Variants in KRT15 observed in about 807,000 individuals in gnomAD.
KRT15 encodes the protein keratin, type I cytoskeletal 15.
KRT15 carries 45 observed loss-of-function variants against 46.6 expected under a neutral mutation model. That is an observed-to-expected ratio of 0.97 (90% CI 0.76 to 1.24). The LOEUF is 1.24. Among genes scored for constraint, KRT15 ranks in the 50% most tolerant of loss-of-function variants. The probability of loss-of-function intolerance (pLI) is 0.00; values close to 1 mark genes in which losing one functional copy is unlikely to be tolerated. For synonymous variants in KRT15, 221 were observed against 233.8 expected, an observed-to-expected ratio of 0.95 and a Z score of 0.50; for missense variants, 592 against 588.9, an observed-to-expected ratio of 1.01 and a Z score of -0.05.
Position 41,517,151 on chromosome 17 carries a change from G to A in KRT15, c.513C>T (p.Thr171=). 2 of 1,614,128 alleles carry A rather than the reference G, an allele frequency of 1.2e-6. No individual in the cohort carries two copies. The highest frequency in any genetic ancestry group is 2.2e-5 in the South Asian group (2 of 91,074). Residue 171 remains threonine (T), a synonymous_variant, in exon 2 of 8, where the codon ACC becomes ACT. Transcript: ENST00000254043. ...CCAGGATGACCCGGGAGTTGTCGAT[G>A]GTGGTGGCCATGATCTGCAGGAGAC... ...EELRDKIMAT[T]IDNSRVILEI... is the part of the protein sequence containing the mutation.
At position 41,516,187 on chromosome 17, in the gene KRT15, G is replaced by A. The variant is rs754413573; in HGVS notation, c.817C>T (p.Arg273Cys). 28 of 1,614,026 alleles carry A rather than the reference G, an allele frequency of 1.7e-5. No homozygotes were observed. The highest frequency in any genetic ancestry group is 5.0e-5 in the Admixed American group (3 of 59,994). Residue 273 changes from arginine (R) to cysteine (C), a missense_variant, in exon 4 of 8, where the codon CGT becomes TGT. Arg to Cys is a radical substitution (Grantham distance 180). Coordinates refer to ENST00000254043, the MANE Select transcript of KRT15 (RefSeq NM_002275.4). ...TGCTCCCTCATCTCTGCCAGCACAC[G>A]GGTCAGGTCCACACCCGGTGCTGCG... ...MDAAPGVDLT[R>C]VLAEMREQYE...
intron 6 of KRT15, 189 bp from the exon 7 acceptor site, chr17:41,514,863 G>A (rs1027679814): frequency 9.5e-6 from 5 of 525,176 alleles, no homozygotes; most frequent in African/African-American, 7.8e-5. Context: ...GACAGATTTT[G>A]TTTTGTTTTG....
At chr17:41,517,224 T>C in intron 1 of KRT15, 59 bp from the exon 2 acceptor site, 1 of 1,443,522 alleles carries the variant, frequency 6.9e-7, no homozygotes, top group Non-Finnish European at 9.7e-7. Context: ...TGCTCTCTGC[T>C]CTGCACCCAA....
At position 41,516,908 on chromosome 17, in the gene KRT15, C is replaced by G. The variant is rs373548890; in HGVS notation, c.638G>C (p.Arg213Pro). Residue 213 changes from arginine to proline, a missense_variant, in exon 3 of 8, where the codon CGC becomes CCC. Coordinates refer to ENST00000254043, the MANE Select transcript of KRT15 (RefSeq NM_002275.4). Reference protein sequence around the residue: ...QGVEADINGLRRVLDELTLAR... With the variant: ...QGVEADINGLPRVLDELTLAR... ...CAGGGTCAGCTCATCCAGGACTCGG[C>G]GCAAGCCGTTGATGTCAGCCTCAAC... is the stretch of plus-strand genomic sequence containing the variant. 1 of 1,614,206 alleles carries G rather than the reference C, an allele frequency of 6.2e-7. No individual in the cohort carries two copies. Among genetic ancestry groups the G allele is most frequent in the Admixed American group, 1.7e-5 (1 of 60,022 alleles).
Position 41,516,166 on chromosome 17 carries a change from C to G in KRT15, c.838G>C (p.Glu280Gln), listed in dbSNP as rs946342723. The stretch of plus-strand genomic sequence containing the variant: ...TTCTCCGCCATGGCCTCGTACTGCT[C>G]CCTCATCTCTGCCAGCACACGGGTC... ...DLTRVLAEMREQYEAMAEKNR... is the reference protein window; with the variant it reads ...DLTRVLAEMRQQYEAMAEKNR... Residue 280 changes from glutamate to glutamine, a missense_variant, in exon 4 of 8, where the codon GAG (glutamate) becomes CAG (glutamine). Physicochemically the swap from Glu to Gln is conservative, Grantham distance 29. Transcript: ENST00000254043. The G allele has an allele frequency of 2.5e-6, 4 of 1,614,050 alleles. No individual in the cohort carries two copies. In the African/African-American group the frequency reaches 4.0e-5, roughly 16 times the overall value.
chr17:41,516,484 T>C (rs1300140061), intron 3 of KRT15, among the ~76,000 whole-genome samples: 2 of 152,104 alleles, frequency 1.3e-5, no homozygotes, highest in South Asian at 2.1e-4. Flanking sequence ...AGGGCCCTGA[T>C]GTGAGCTCAC....
At position 41,515,609 on chromosome 17, in the gene KRT15, G is replaced by A. The variant is rs911578002; in HGVS notation, c.1110C>T (p.Gly370=). The A allele has an allele frequency of 5.0e-6, 8 of 1,614,188 alleles. No homozygotes were observed. Among genetic ancestry groups the A allele is most frequent in the Non-Finnish European group, 4.2e-6 (5 of 1,180,034 alleles). ...GGAGCTCACTCAGCTGGGCCTCCAGGCCACCAATGAGCCCCTGGATCTGCT... is the reference window on the plus strand; with the variant it reads ...GGAGCTCACTCAGCTGGGCCTCCAGACCACCAATGAGCCCCTGGATCTGCT... ...QLQQIQGLIG[G]LEAQLSELRC... Residue 370 remains glycine, a synonymous_variant, in exon 6 of 8, where the codon GGC becomes GGT. Coordinates refer to ENST00000254043, the MANE Select transcript of KRT15 (RefSeq NM_002275.4).
intron 7 of KRT15, 62 bp from the exon 8 acceptor site, chr17:41,514,182 G>A: frequency 7.7e-7 from 1 of 1,296,338 alleles, no homozygotes. Flanking sequence ...ACGGTGGCCA[G>A]GACCTTGGCG....
chr17:41,517,436 A>G, intron 1 of KRT15: 2 of 473,280 alleles, frequency 4.2e-6, no homozygotes, highest in Non-Finnish European at 7.8e-6. Context: ...AGGAGGCAGT[A>G]TTGCCTGTGG....
chr17:41,515,798 G>A, intron 5 of KRT15, 87 bp downstream of exon 5: 1 of 1,606,500 alleles, frequency 6.2e-7, no homozygotes, highest in South Asian at 1.1e-5. Context: ...CTCTTGAGGG[G>A]GCTTGAGAAC....
chr17:41,516,063 G>A (rs748842287), intron 4 of KRT15, 41 bp downstream of exon 4: 20 of 1,614,036 alleles, frequency 1.2e-5, no homozygotes, highest in Non-Finnish European at 1.7e-5. Flanking sequence ...GGAGACTCAG[G>A]GACCTGGGGC....
At chr17:41,517,056 G>A (rs769189213) in intron 2 of KRT15, 27 bp downstream of exon 2, 1 of 1,614,174 alleles carries the variant, frequency 6.2e-7, no homozygotes, top group South Asian at 1.1e-5. Context: ...GGCAATGCAG[G>A]AAGAGGAGAG....
intron 7 of KRT15, 87 bp from the exon 8 acceptor site, chr17:41,514,207 C>A: frequency 1.0e-6 from 1 of 977,858 alleles, no homozygotes; most frequent in Non-Finnish European, 1.7e-6. Context: ...TCTGGGAAAA[C>A]TAGACAGCAC....
rs757922029 is a variant in KRT15, at chr17:41,516,203, C to G, written c.801G>C (p.Pro267=). Residue 267 remains proline, a synonymous_variant, in exon 4 of 8, where the codon CCG becomes CCC. Transcript: ENST00000254043. The part of the protein sequence containing the change: ...GQVNVEMDAA[P]GVDLTRVLAE... ...CCAGCACACGGGTCAGGTCCACACC[C>G]GGTGCTGCGTCCATCTCCACATTGA... The G allele has an allele frequency of 4.3e-6, 7 of 1,614,174 alleles. No homozygotes were observed. In the South Asian group the frequency reaches 4.4e-5, roughly 10 times the overall value.
In KRT15 at chr17:41,513,851, G is replaced by A; in HGVS notation, c.*172C>T. Reference sequence around the variant, plus strand: ...CCTTGCTCCAAAGAAGGTGGGGAGAGGCAGAGGGGGAATAGAGCGCATGCA... The same window carrying A: ...CCTTGCTCCAAAGAAGGTGGGGAGAAGCAGAGGGGGAATAGAGCGCATGCA... On this transcript the variant is annotated 3_prime_UTR_variant, in exon 8 of 8. Transcript: ENST00000254043. 2 of 616,832 alleles carry A rather than the reference G, an allele frequency of 3.2e-6. No individual in the cohort carries two copies. Among genetic ancestry groups the A allele is most frequent in the Non-Finnish European group, 5.9e-6 (2 of 340,026 alleles). 38.2% of individuals were successfully genotyped at this position (616,832 alleles called of 1,614,324 possible). A position where few individuals can be genotyped will look rare whatever the true frequency, so the allele number is the denominator to read the frequency against.
chr17:41,515,859 C>G (rs1869627322), intron 5 of KRT15, 26 bp downstream of exon 5: 1 of 1,613,904 alleles, frequency 6.2e-7, no homozygotes, highest in Non-Finnish European at 8.5e-7. Flanking sequence ...ACCCGAGAGG[C>G]TGGGATGGGG....
Position 41,518,468 on chromosome 17 carries a change from C to T in KRT15, c.360G>A (p.Leu120=). 6.2e-7 allele frequency: 1 copy of T among 1,614,118 alleles called. No individual in the cohort carries two copies. The highest frequency in any genetic ancestry group is 1.1e-5 in the South Asian group (1 of 91,072). Residue 120 remains leucine, a synonymous_variant, in exon 1 of 8, where the codon CTG becomes CTA. Transcript: ENST00000254043. ...CCTCCTCCAGGGCACGTACCTTGTC[C>T]AGGTAGGAGGCCAGGCGGTCATTGA... ...QNLNDRLASY[L]DKVRALEEAN... is the part of the protein sequence containing the mutation.
chr17:41,516,400 G>C, intron 3 of KRT15, 135 bp from the exon 4 acceptor site: 1 of 962,262 alleles, frequency 1.0e-6, no homozygotes, highest in Non-Finnish European at 1.6e-6. Flanking sequence ...GAAGAGGTTT[G>C]GTCACATGGA....
intron 7 of KRT15, 156 bp downstream of exon 7, chr17:41,514,493 C>A (rs1032221206): frequency 4.4e-6 from 3 of 678,576 alleles, no homozygotes; most frequent in African/African-American, 1.8e-5. Context: ...CTGGGGCTGA[C>A]AGAAGTTCCC....
Sources: gnomAD v4.1 joint callset for allele counts (sites outside exome capture counted in the v4.1 genomes callset) on GRCh38, gnomAD v4.1.1 for gene constraint, MANE v1.5 for transcripts, NCBI Gene and HGNC (gene_info 2026-07-23, HGNC 2026-07-21) for gene names.